Variants in TMPRSS11F observed in about 807,000 individuals in gnomAD.
TMPRSS11F encodes the protein transmembrane serine protease 11F.
TMPRSS11F carries 47 observed loss-of-function variants against 60.2 expected under a neutral mutation model. That is an observed-to-expected ratio of 0.78 (90% CI 0.62 to 1.00). The LOEUF is 1.00. Ranked by LOEUF, TMPRSS11F falls within the 50% of genes least tolerant of loss-of-function variation. The probability of loss-of-function intolerance (pLI) is 0.00; values close to 1 mark genes in which losing one functional copy is unlikely to be tolerated. For synonymous variants in TMPRSS11F, 166 were observed against 167.3 expected, an observed-to-expected ratio of 0.99 and a Z score of 0.06; for missense variants, 519 against 522.9, an observed-to-expected ratio of 0.99 and a Z score of 0.07.
intron 1 of TMPRSS11F, among the ~76,000 whole-genome samples, chr4:68,108,054 G>T (rs1375154267): frequency 6.6e-6 from 1 of 152,176 alleles, no homozygotes; most frequent in Non-Finnish European, 1.5e-5. Context: ...GATGTGAAAA[G>T]TGGAAGCAGC....
chr4:68,059,468 C>T lies in TMPRSS11F; in HGVS notation c.1016G>A (p.Gly339Glu). 6.2e-7 allele frequency: 1 copy of T among 1,609,460 alleles called. No individual in the cohort carries two copies. The highest frequency in any genetic ancestry group is 8.5e-7 in the Non-Finnish European group (1 of 1,178,032). ...VTGFGSIVDD[G>E]PIQNTLRQAR... ...TTGCCGAAGTGTATTTTGTATAGGT[C>T]CTATTGCACAAATGGATAAAAAAAC... Residue 339 changes from glycine (G) to glutamate (E), a missense_variant and splice_region_variant, in exon 9 of 10, where the codon GGA (glycine) becomes GAA (glutamate). By Grantham distance (98) the Gly-to-Glu change is moderately conservative (BLOSUM62 -2). Transcript: ENST00000356291.
At chr4:68,118,228 G>A (rs1478351460) in intron 1 of TMPRSS11F, among the ~76,000 whole-genome samples, 3 of 152,112 alleles carry the variant, frequency 2.0e-5, no homozygotes, top group Non-Finnish European at 2.9e-5. Flanking sequence ...ACACCAACCA[G>A]TGTGAGGCTG....
intron 3 of TMPRSS11F, among the ~76,000 whole-genome samples, chr4:68,077,957 G>A (rs1342178540): frequency 3.9e-5 from 6 of 152,112 alleles, no homozygotes; most frequent in South Asian, 2.1e-4. Flanking sequence ...AGAGGGTTCC[G>A]TGGCAGCCAG....
intron 3 of TMPRSS11F, among the ~76,000 whole-genome samples, chr4:68,084,475 C>G (rs1243219710): frequency 6.6e-6 from 1 of 152,126 alleles, no homozygotes; most frequent in Non-Finnish European, 1.5e-5. Flanking sequence ...CAGCAGAAAC[C>G]TTATAAGCCA....
intron 1 of TMPRSS11F, among the ~76,000 whole-genome samples, chr4:68,124,063 A>G (rs1724670541): frequency 6.6e-6 from 1 of 152,092 alleles, no homozygotes; most frequent in South Asian, 2.1e-4. Context: ...TCTACTAAAA[A>G]TACAAAAATT....
At chr4:68,098,258 T>C (rs1212429503) in intron 2 of TMPRSS11F, among the ~76,000 whole-genome samples, 1 of 152,118 alleles carries the variant, frequency 6.6e-6, no homozygotes, top group Non-Finnish European at 1.5e-5. Flanking sequence ...TGAGCCGGGA[T>C]CGTGCGACTG....
chr4:68,090,568 T>A lies in TMPRSS11F; in HGVS notation c.237A>T (p.Arg79Ser), dbSNP rs1465733657. 4.4e-6 allele frequency: 7 copies of A among 1,601,778 alleles called. No homozygotes were observed. Among genetic ancestry groups the A allele is most frequent in the Non-Finnish European group, 5.1e-6 (6 of 1,172,748 alleles). The part of the protein sequence containing the change: ...NIKYKENYGI[R>S]SSREFIERSH... ...TCCTTTCTATAAACTCTCTTGAAGA[T>A]CTTATGCCATAATTTTCTTTATATT... The change falls in exon 3 of 10, where the codon AGA becomes AGT. Residue 79 changes from arginine (R) to serine (S), a missense_variant. Coordinates refer to ENST00000356291, the MANE Select transcript of TMPRSS11F (RefSeq NM_207407.2).
intron 1 of TMPRSS11F, among the ~76,000 whole-genome samples, chr4:68,120,466 G>A (rs1241511632): frequency 2.1e-5 from 3 of 144,192 alleles, no homozygotes; most frequent in African/African-American, 7.9e-5. Flanking sequence ...TCGGCTCACT[G>A]CAAGCTCCGC....
At chr4:68,117,792 T>C (rs1016033134) in intron 1 of TMPRSS11F, among the ~76,000 whole-genome samples, 1 of 152,174 alleles carries the variant, frequency 6.6e-6, no homozygotes, top group African/African-American at 2.4e-5. Flanking sequence ...AACACATTCC[T>C]ACAAATATTT....
intron 8 of TMPRSS11F, chr4:68,061,804 A>C (rs878934744): frequency 2.3e-6 from 1 of 440,584 alleles, no homozygotes; most frequent in Non-Finnish European, 4.5e-6. Flanking sequence ...GTAGTTCTAC[A>C]GTACAACCTG....
chr4:68,090,116 A>G (rs1723892954), intron 3 of TMPRSS11F, among the ~76,000 whole-genome samples: 2 of 152,150 alleles, frequency 1.3e-5, no homozygotes, highest in South Asian at 4.1e-4. Context: ...ATCAAGAATT[A>G]TAGCTATACC....
chr4:68,059,288 C>T, intron 9 of TMPRSS11F, 38 bp downstream of exon 9: 1 of 1,601,552 alleles, frequency 6.2e-7, no homozygotes, highest in Non-Finnish European at 8.5e-7. Context: ...CTAATGGAAA[C>T]TTTCCTCATA....
intron 1 of TMPRSS11F, among the ~76,000 whole-genome samples, chr4:68,123,381 T>C (rs1167988162): frequency 6.6e-6 from 1 of 152,210 alleles, no homozygotes; most frequent in Admixed American, 6.5e-5. Flanking sequence ...GACACATTCC[T>C]TGAGTTAACT....
At chr4:68,090,447 G>C in intron 3 of TMPRSS11F, 76 bp downstream of exon 3, 1 of 1,481,416 alleles carries the variant, frequency 6.8e-7, no homozygotes, top group Non-Finnish European at 9.0e-7. Flanking sequence ...TTGAGACTAA[G>C]TTCCTATATA....
chr4:68,104,087 C>T (rs931832830), intron 1 of TMPRSS11F, among the ~76,000 whole-genome samples: 4 of 152,112 alleles, frequency 2.6e-5, no homozygotes, highest in African/African-American at 9.7e-5. Context: ...AAGATCATGT[C>T]AGAATAATTT....
Position 68,064,788 on chromosome 4 carries a change from C to T in TMPRSS11F, c.912G>A (p.Glu304=). 3 of 1,614,172 alleles carry T rather than the reference C, an allele frequency of 1.9e-6. No individual in the cohort carries two copies. Among genetic ancestry groups the T allele is most frequent in the Non-Finnish European group, 1.7e-6 (2 of 1,179,996 alleles). The change falls in exon 8 of 10, where the codon GAG becomes GAA. Residue 304 remains glutamate, a synonymous_variant. Coordinates refer to ENST00000356291, the MANE Select transcript of TMPRSS11F (RefSeq NM_207407.2). ...AAACTCTCTGGACTATATTTGAAAA[C>T]TCAACTCCAGTAGAGAGCTGAACCA... is the stretch of plus-strand genomic sequence containing the variant. ...IALVQLSTGV[E]FSNIVQRVCL...
chr4:68,061,958 G>A, intron 8 of TMPRSS11F: 3 of 444,750 alleles, frequency 6.7e-6, no homozygotes, highest in Non-Finnish European at 1.3e-5. Context: ...TCTGCACTTA[G>A]ATTTAGTGCT....
chr4:68,104,121 C>T (rs1476956298), intron 1 of TMPRSS11F, among the ~76,000 whole-genome samples: 1 of 152,012 alleles, frequency 6.6e-6, no homozygotes, highest in East Asian at 1.9e-4. Flanking sequence ...ATTTGGATAC[C>T]ATTTATTTCT....
In TMPRSS11F at chr4:68,068,958, A is replaced by T. The variant is rs1450865602; in HGVS notation, c.554-139T>A. 6 of 822,738 alleles carry T rather than the reference A, an allele frequency of 7.3e-6. No individual in the cohort carries two copies. In the East Asian group the frequency reaches 1.6e-4, roughly 22 times the overall value. The allele number at this position is 822,738 out of a possible 1,614,324, so 51.0% of individuals were successfully genotyped here. ...AGCACTCAGCCTTTGAGCTTATTTGATACAGGTCTTGCTGATCCTACTGAG... is the reference window on the plus strand; with the variant it reads ...AGCACTCAGCCTTTGAGCTTATTTGTTACAGGTCTTGCTGATCCTACTGAG... On this transcript the variant is annotated intron_variant, in intron 6 of 9. Transcript: ENST00000356291.
Sources: gnomAD v4.1 joint callset for allele counts (sites outside exome capture counted in the v4.1 genomes callset) on GRCh38, gnomAD v4.1.1 for gene constraint, MANE v1.5 for transcripts, NCBI Gene and HGNC (gene_info 2026-07-23, HGNC 2026-07-21) for gene names.